Variants in SHROOM3 observed in about 807,000 individuals in gnomAD.
SHROOM3 encodes protein Shroom3.
SHROOM3 carries 47 observed loss-of-function variants against 138.6 expected under a neutral mutation model. The ratio of observed to expected loss-of-function variants is 0.34; its 90% CI spans 0.27 to 0.43. SHROOM3 has a LOEUF of 0.43. Among genes scored for constraint, SHROOM3 ranks in the 20% least tolerant of loss-of-function variants. The probability of loss-of-function intolerance (pLI) is 1.00; values close to 1 mark genes in which losing one functional copy is unlikely to be tolerated. For synonymous variants in SHROOM3, 1,062 were observed against 1,063.3 expected, an observed-to-expected ratio of 1.00 and a Z score of 0.02; for missense variants, 2,491 against 2,596.5, an observed-to-expected ratio of 0.96 and a Z score of 0.88.
chr4:76,529,836 G>A (rs1732795186), intron 1 of SHROOM3, among the ~76,000 whole-genome samples: 1 of 152,182 alleles, frequency 6.6e-6, no homozygotes, highest in Admixed American at 6.5e-5. Flanking sequence ...GGGGAGGGGA[G>A]CTTATATAAT....
In SHROOM3 at chr4:76,754,963, C is replaced by T. The variant is rs923030701; in HGVS notation, c.4480C>T (p.Leu1494=). ...CTCCCTCCGAATATCTGAGTCTGTC[C>T]TGCGGGACTCCCCGCCACCTCATGA... The part of the protein sequence containing the change: ...RISLRISESV[L]RDSPPPHEDY... Residue 1494 remains leucine, a synonymous_variant, in exon 7 of 11, where the codon CTG becomes TTG. Coordinates refer to ENST00000296043, the MANE Select transcript of SHROOM3 (RefSeq NM_020859.4). 1 of 1,614,060 alleles carries T rather than the reference C, an allele frequency of 6.2e-7. No individual in the cohort carries two copies. Among genetic ancestry groups the T allele is most frequent in the Non-Finnish European group, 8.5e-7 (1 of 1,180,010 alleles).
intron 1 of SHROOM3, among the ~76,000 whole-genome samples, chr4:76,513,947 A>G (rs1732392753): frequency 6.6e-6 from 1 of 152,186 alleles, no homozygotes; most frequent in Admixed American, 6.5e-5. Flanking sequence ...AGAACCCTTC[A>G]GTTTATTGAG....
intron 1 of SHROOM3, among the ~76,000 whole-genome samples, chr4:76,450,303 G>C (rs1039824643): frequency 6.6e-5 from 10 of 152,168 alleles, no homozygotes; most frequent in African/African-American, 2.4e-4. Context: ...GTAAAATGGT[G>C]CAGCCACTTT....
chr4:76,559,939 T>C (rs893220970), intron 2 of SHROOM3, among the ~76,000 whole-genome samples: 2 of 152,128 alleles, frequency 1.3e-5, no homozygotes, highest in Non-Finnish European at 1.5e-5. Flanking sequence ...TGCTGCTTGA[T>C]ACACGAAGAG....
intron 2 of SHROOM3, among the ~76,000 whole-genome samples, chr4:76,697,881 A>G (rs1441133205): frequency 6.6e-6 from 1 of 152,200 alleles, no homozygotes; most frequent in African/African-American, 2.4e-5. Context: ...GTGAGCAGGA[A>G]CATACAGGAT....
At chr4:76,778,339 A>G (rs570442409) in intron 10 of SHROOM3, among the ~76,000 whole-genome samples, 112 of 151,738 alleles carry the variant, frequency 7.4e-4, no homozygotes, top group African/African-American at 2.5e-3. Context: ...CTCATGCCTC[A>G]GCCTCCCAAG....
intron 2 of SHROOM3, among the ~76,000 whole-genome samples, chr4:76,674,709 C>T (rs1266403617): frequency 6.6e-6 from 1 of 151,988 alleles, no homozygotes; most frequent in East Asian, 1.9e-4. Context: ...CACACATCAC[C>T]ATGCCCAGCT....
chr4:76,455,646 C>A (rs1731012363), intron 1 of SHROOM3, among the ~76,000 whole-genome samples: 1 of 151,906 alleles, frequency 6.6e-6, no homozygotes, highest in Non-Finnish European at 1.5e-5. Context: ...AACCAAGGGT[C>A]AAAGAATATA....
At chr4:76,525,663 T>C (rs1269744116) in intron 1 of SHROOM3, among the ~76,000 whole-genome samples, 4 of 152,090 alleles carry the variant, frequency 2.6e-5, no homozygotes, top group African/African-American at 7.3e-5. Flanking sequence ...AATTAGATTG[T>C]TTTTTTCTTA....
At chr4:76,451,551 T>C (rs1405706522) in intron 1 of SHROOM3, among the ~76,000 whole-genome samples, 1 of 152,222 alleles carries the variant, frequency 6.6e-6, no homozygotes, top group African/African-American at 2.4e-5. Flanking sequence ...AGTGCCCTTT[T>C]GATGCATGAA....
chr4:76,514,012 C>G (rs1732394746), intron 1 of SHROOM3, among the ~76,000 whole-genome samples: 1 of 152,116 alleles, frequency 6.6e-6, no homozygotes, highest in Admixed American at 6.5e-5. Context: ...CAAAAAGCAA[C>G]TTAATTGACT....
At chr4:76,716,886 T>A (rs1227401910) in intron 3 of SHROOM3, among the ~76,000 whole-genome samples, 3 of 152,266 alleles carry the variant, frequency 2.0e-5, no homozygotes, top group African/African-American at 7.2e-5. Flanking sequence ...GGGAAGTTTT[T>A]ATTTTATTTG....
chr4:76,754,404 T>C lies in SHROOM3; in HGVS notation c.3921T>C (p.Ile1307=), dbSNP rs1331560357. Residue 1307 remains isoleucine (I), a synonymous_variant, in exon 7 of 11, where the codon ATT becomes ATC. Coordinates refer to ENST00000296043, the MANE Select transcript of SHROOM3 (RefSeq NM_020859.4). ...PRWGGSGCKA[I]GDSSVPSECP... ...GGGGTGGTTCAGGCTGCAAAGCCAT[T>C]GGTGATTCCTCCGTTCCTAGTGAAT... 6.2e-7 allele frequency: 1 copy of C among 1,614,082 alleles called. No homozygotes were observed. The highest frequency in any genetic ancestry group is 2.2e-5 in the East Asian group (1 of 44,866).
chr4:76,615,464 G>A (rs577086029), intron 2 of SHROOM3, among the ~76,000 whole-genome samples: 1 of 152,200 alleles, frequency 6.6e-6, no homozygotes, highest in East Asian at 1.9e-4. Context: ...GAGGAATGCA[G>A]CGTTGTGCCT....
chr4:76,755,295 A>G, intron 7 of SHROOM3, 103 bp downstream of exon 7: 3 of 1,356,716 alleles, frequency 2.2e-6, no homozygotes, highest in Middle Eastern at 2.3e-4. Flanking sequence ...TGGCATGGAG[A>G]TGTTTCTATA....
intron 1 of SHROOM3, among the ~76,000 whole-genome samples, chr4:76,456,155 T>C (rs1731023088): frequency 6.6e-6 from 1 of 152,110 alleles, no homozygotes; most frequent in African/African-American, 2.4e-5. Context: ...TACAGGCATG[T>C]GTCACCACTC....
chr4:76,657,409 T>C (rs796947134), intron 2 of SHROOM3, among the ~76,000 whole-genome samples: 8 of 152,290 alleles, frequency 5.3e-5, no homozygotes, highest in African/African-American at 1.9e-4. Context: ...GTTTGATTCA[T>C]TTTGTGACTT....
At chr4:76,628,847 T>A (rs913292460) in intron 2 of SHROOM3, 6 of 71,422 alleles carry the variant, frequency 8.4e-5, no homozygotes, top group African/African-American at 2.7e-4. Context: ...ACAGGTTGAA[T>A]TTTTTTTTTT....
chr4:76,739,642 T>C lies in SHROOM3; in HGVS notation c.1469T>C (p.Met490Thr), dbSNP rs1473968722. The change falls in exon 5 of 11, where the codon ATG becomes ACG. Residue 490 changes from methionine to threonine, a missense_variant. Around this residue, in one of 4 missense-constraint regions of SHROOM3, gnomAD observed 1,733 missense variants for 1,661.6 expected, o/e 1.04. Coordinates refer to ENST00000296043, the MANE Select transcript of SHROOM3 (RefSeq NM_020859.4). The stretch of plus-strand genomic sequence containing the variant: ...CAGCCTTCTGTGAGTAGCAACGGTA[T>C]GCTCTACCCTGCACTGGCCAAGGAG... ...VPQPSVSSNG[M>T]LYPALAKESG... The C allele has an allele frequency of 1.2e-6, 2 of 1,614,078 alleles. No homozygotes were observed. Among genetic ancestry groups the C allele is most frequent in the Non-Finnish European group, 1.7e-6 (2 of 1,180,052 alleles).
Sources: gnomAD v4.1 joint callset for allele counts (sites outside exome capture counted in the v4.1 genomes callset) on GRCh38, gnomAD v4.1.1 for gene constraint, gnomAD v4.1.1 regional missense constraint, MANE v1.5 for transcripts, NCBI Gene and HGNC (gene_info 2026-07-23, HGNC 2026-07-21) for gene names.